Variants in CCDC112 observed in about 807,000 individuals in gnomAD.
The protein encoded by CCDC112 is coiled-coil domain containing 112, also known as coiled-coil domain-containing protein 112.
A neutral mutation model predicts 66.3 loss-of-function variants in CCDC112; 40 were observed. The ratio of observed to expected loss-of-function variants is 0.60; its 90% CI spans 0.47 to 0.79. The LOEUF is 0.79. CCDC112 is among the 30% of genes least tolerant of loss of function. The probability of loss-of-function intolerance (pLI) is 0.00; values close to 1 mark genes in which losing one functional copy is unlikely to be tolerated. For synonymous variants in CCDC112, 214 were observed against 197.2 expected (o/e 1.09, Z -0.71); for missense variants, 659 against 603.8 (o/e 1.09, Z -0.96).
At chr5:115,276,881 C>T in intron 4 of CCDC112, 84 bp downstream of exon 4, 1 of 829,004 alleles carries the variant, frequency 1.2e-6, no homozygotes, top group Non-Finnish European at 1.9e-6. Flanking sequence ...TAAGTCCTAA[C>T]CAATAAAGTA....
At chr5:115,287,557 A>G (rs1249780505) in intron 1 of CCDC112, among the ~76,000 whole-genome samples, 1 of 151,976 alleles carries the variant, frequency 6.6e-6, no homozygotes, top group Non-Finnish European at 1.5e-5. Context: ...CAACTGACCA[A>G]TTTTTCCTGA....
intron 1 of CCDC112, chr5:115,296,049 T>G (rs1329628551): frequency 3.0e-6 from 3 of 1,002,516 alleles, no homozygotes; most frequent in Non-Finnish European, 3.6e-6. Context: ...GAGCACAGAG[T>G]CCCCCTCCAA....
chr5:115,267,690 C>A lies in CCDC112; in HGVS notation c.*186G>T. The A allele has an allele frequency of 1.7e-6, 1 of 605,976 alleles. No individual in the cohort carries two copies. The highest frequency in any genetic ancestry group is 2.0e-5 in the South Asian group (1 of 49,198). The allele number at this position is 605,976 out of a possible 1,614,324, so 37.5% of individuals were successfully genotyped here. Reference sequence around the variant, plus strand: ...ATAGGCCAACACATATATTAAATACCTTCTTGGTAGAAGCAGGAATACTAA... The same window carrying A: ...ATAGGCCAACACATATATTAAATACATTCTTGGTAGAAGCAGGAATACTAA... On this transcript the variant is annotated 3_prime_UTR_variant, in exon 10 of 10. Coordinates refer to ENST00000379611, the MANE Select transcript of CCDC112 (RefSeq NM_001040440.3).
intron 7 of CCDC112, 141 bp downstream of exon 7, chr5:115,271,072 G>A (rs1455292381): frequency 4.4e-6 from 3 of 682,106 alleles, no homozygotes; most frequent in Non-Finnish European, 7.2e-6. Context: ...TAGAAGTTAG[G>A]GAGCACGGCT....
At chr5:115,271,656 A>T in intron 6 of CCDC112, 30 bp from the exon 7 acceptor site, 1 of 1,438,392 alleles carries the variant, frequency 7.0e-7, no homozygotes, top group Non-Finnish European at 9.2e-7. Context: ...AAAGAAAGCA[A>T]GAGAAAAAAG....
intron 6 of CCDC112, 140 bp downstream of exon 6, chr5:115,275,076 C>G (rs892963471): frequency 1.6e-5 from 11 of 683,662 alleles, no homozygotes; most frequent in Non-Finnish European, 2.6e-5. Context: ...TCAGTTTCAT[C>G]TTCTATTAGA....
At chr5:115,284,104 CAA>C (rs1314179621) in intron 2 of CCDC112, among the ~76,000 whole-genome samples, 2 of 141,278 alleles carry the variant, frequency 1.4e-5, no homozygotes, top group African/African-American at 2.6e-5. Context: ...AAAAGCCACT[CAA>C]AAAAAAAAAA....
chr5:115,277,036 T>G lies in CCDC112; in HGVS notation c.380A>C (p.Gln127Pro). The G allele has an allele frequency of 6.2e-7, 1 of 1,608,160 alleles. No homozygotes were observed. The highest frequency in any genetic ancestry group is 8.5e-7 in the Non-Finnish European group (1 of 1,175,740). ...RKTERAKIQQ[Q>P]LAKIHNNVKK... is the part of the protein sequence containing the mutation. ...TACATTATTATGTATTTTGGCCAAT[T>G]GTTGCTGGATTTTTGCTCCTATAAG... Residue 127 changes from glutamine to proline, a missense_variant, in exon 4 of 10, where the codon CAA becomes CCA. By Grantham distance (76) the Gln-to-Pro change is moderately conservative. Coordinates refer to ENST00000379611, the MANE Select transcript of CCDC112 (RefSeq NM_001040440.3).
chr5:115,284,275 T>C (rs1371839274), intron 2 of CCDC112, among the ~76,000 whole-genome samples: 1 of 152,148 alleles, frequency 6.6e-6, no homozygotes, highest in African/African-American at 2.4e-5. Flanking sequence ...TCAAACACCA[T>C]TTATTAACCA....
intron 2 of CCDC112, among the ~76,000 whole-genome samples, chr5:115,281,025 A>ATTT (rs61604275): frequency 7.1e-6 from 1 of 140,334 alleles, no homozygotes; most frequent in African/African-American, 2.6e-5. Flanking sequence ...TACATAGAGA[A>ATTT]TTTTTTTTTT....
Position 115,296,453 on chromosome 5 carries a change from C to T in CCDC112, c.91G>A (p.Val31Met). 6.4e-7 allele frequency: 1 copy of T among 1,565,348 alleles called. No homozygotes were observed. ...TGTTGAGGCGCTGGCGTCGCTCCCACGCCGGTCCCGGTGGCCGCGCCCGCC... is the reference window on the plus strand; with the variant it reads ...TGTTGAGGCGCTGGCGTCGCTCCCATGCCGGTCCCGGTGGCCGCGCCCGCC... Reference protein sequence around the residue: ...AGAGAATGTGVGATPAPQQSD... With the variant: ...AGAGAATGTGMGATPAPQQSD... Residue 31 changes from valine (V) to methionine (M), a missense_variant, in exon 1 of 10, where the codon GTG becomes ATG. Coordinates refer to ENST00000379611, the MANE Select transcript of CCDC112 (RefSeq NM_001040440.3).
chr5:115,275,190 T>C (rs1383621151), intron 6 of CCDC112, 26 bp downstream of exon 6: 1 of 1,518,594 alleles, frequency 6.6e-7, no homozygotes, highest in East Asian at 2.3e-5. Context: ...AAACACAGAA[T>C]GAATAATAGC....
chr5:115,280,537 A>T (rs901920707), intron 2 of CCDC112: 1 of 152,226 alleles, frequency 6.6e-6, no homozygotes, highest in Non-Finnish European at 1.5e-5. Context: ...TGATTGGGCA[A>T]AGAAATCAAT....
chr5:115,296,387 C>T (rs578141251), intron 1 of CCDC112, 40 bp downstream of exon 1: 4 of 1,546,072 alleles, frequency 2.6e-6, no homozygotes, highest in Middle Eastern at 2.3e-4. Flanking sequence ...TGCAGCCCCT[C>T]GCCTGCCGCC....
intron 3 of CCDC112, among the ~76,000 whole-genome samples, chr5:115,278,626 C>T (rs1240304071): frequency 6.6e-6 from 1 of 151,948 alleles, no homozygotes; most frequent in African/African-American, 2.4e-5. Context: ...AAAAATCAGC[C>T]TCCCAGTTGT....
At position 115,269,535 on chromosome 5, in the gene CCDC112, T is replaced by G. The variant is rs1748910774; in HGVS notation, c.1428+168A>C. 3 of 535,826 alleles carry G rather than the reference T, an allele frequency of 5.6e-6. No homozygotes were observed. The East Asian group carries it at 1.0e-4, about 18-fold the overall frequency. The allele number at this position is 535,826 out of a possible 1,614,324, so 33.2% of individuals were successfully genotyped here. A position where few individuals can be genotyped will look rare whatever the true frequency, so the allele number is the denominator to read the frequency against. ...AAAATGACAGAATTCAAATAATGGTTGCTTAAATTGTACCAAGTTATGCTT... is the reference window on the plus strand; with the variant it reads ...AAAATGACAGAATTCAAATAATGGTGGCTTAAATTGTACCAAGTTATGCTT... On this transcript the variant is annotated intron_variant, in intron 8 of 9. Transcript: ENST00000379611.
At position 115,275,574 on chromosome 5, in the gene CCDC112, G is replaced by T; in HGVS notation, c.560C>A (p.Thr187Asn). The T allele has an allele frequency of 6.3e-7, 1 of 1,597,614 alleles. No individual in the cohort carries two copies. The highest frequency in any genetic ancestry group is 8.5e-7 in the Non-Finnish European group (1 of 1,170,658). ...TGATATGGCACTCAACTCATTATTA[G>T]TTGTCTTCTCTTCTTTAATTAGCTC... ...YEELIKEEKT[T>N]NNELSAISRK... The change falls in exon 6 of 10, where the codon ACT (threonine) becomes AAT (asparagine). Residue 187 changes from threonine to asparagine, a missense_variant. Transcript: ENST00000379611.
rs1748984555 is a variant in CCDC112, at chr5:115,271,295, A to T, written c.1250T>A (p.Leu417His). 6.2e-7 allele frequency: 1 copy of T among 1,610,174 alleles called. No homozygotes were observed. Among genetic ancestry groups the T allele is most frequent in the African/African-American group, 1.3e-5 (1 of 74,528 alleles). ...QKKEQEEFLR[L>H]EKEIREKAEK... ...TGCCTTTTCCCTTATCTCCTTTTCA[A>T]GCCTCAAAAATTCTTCCTGTTCTTT... The change falls in exon 7 of 10, where the codon CTT becomes CAT. Residue 417 changes from leucine to histidine, a missense_variant. Physicochemically the swap from Leu to His is moderately conservative, Grantham distance 99. Transcript: ENST00000379611.
intron 7 of CCDC112, 37 bp from the exon 8 acceptor site, chr5:115,269,835 T>C: frequency 7.7e-7 from 1 of 1,306,908 alleles, no homozygotes; most frequent in East Asian, 2.4e-5. Context: ...AGAAAGCATG[T>C]GAACTAGAAT....
Sources: allele counts gnomAD v4.1 joint callset (sites outside exome capture counted in the v4.1 genomes callset), GRCh38; gene constraint gnomAD v4.1.1; transcripts MANE v1.5; gene names NCBI Gene and HGNC (gene_info 2026-07-23, HGNC 2026-07-21).